The following ARID2 variants were observed in gnomAD, a reference collection of about 807,000 sequenced individuals.
The protein encoded by ARID2 is AT-rich interactive domain-containing protein 2.
A neutral mutation model predicts 184.6 loss-of-function variants in ARID2; 32 were observed. The observed-to-expected ratio is 0.17, with a 90% CI of 0.13 to 0.23. The LOEUF is 0.23. Ranked by LOEUF, ARID2 falls within the 10% of genes least tolerant of loss-of-function variation. The pLI, the probability that ARID2 is intolerant of heterozygous loss-of-function variation, is 1.00. For synonymous variants in ARID2, 836 were observed against 772.6 expected (o/e 1.08, Z -1.36); for missense variants, 1,696 against 2,197.6 (o/e 0.77, Z 4.56).
intron 15 of ARID2, among the ~76,000 whole-genome samples, 176 bp downstream of exon 15, chr12:45,853,072 G>A (rs936548110): frequency 5.3e-5 from 8 of 152,186 alleles, no homozygotes; most frequent in Middle Eastern, 3.4e-3. Context: ...TTCAATTTTA[G>A]CACATGATTT....
intron 3 of ARID2, among the ~76,000 whole-genome samples, chr12:45,795,240 C>A (rs942207443): frequency 2.6e-5 from 4 of 152,064 alleles, no homozygotes; most frequent in African/African-American, 9.7e-5. Flanking sequence ...AGAACATTGA[C>A]CCTGTAGGGG....
chr12:45,810,592 A>C (rs183957376), intron 3 of ARID2, among the ~76,000 whole-genome samples: 1 of 152,300 alleles, frequency 6.6e-6, no homozygotes, highest in Admixed American at 6.5e-5. Flanking sequence ...TATACAAAAG[A>C]ATGTTACAAA....
intron 3 of ARID2, among the ~76,000 whole-genome samples, chr12:45,801,790 TGGG>T (rs1219394699): frequency 6.6e-6 from 1 of 151,668 alleles, no homozygotes; most frequent in African/African-American, 2.4e-5. Context: ...ATGTGTGTAT[TGGG>T]GGGTGGGGGA....
At chr12:45,834,893 A>G (rs1592106972) in intron 6 of ARID2, among the ~76,000 whole-genome samples, 1 of 152,272 alleles carries the variant, frequency 6.6e-6, no homozygotes, top group Middle Eastern at 3.4e-3. Context: ...CTTCTGAAAT[A>G]TATAGGTTAA....
chr12:45,736,376 A>G (rs1565576724), intron 3 of ARID2, among the ~76,000 whole-genome samples: 1 of 151,896 alleles, frequency 6.6e-6, no homozygotes, highest in Admixed American at 6.6e-5. Context: ...AAAAAAGTAT[A>G]TTGCTACTAG....
At chr12:45,856,042 A>G (rs1332248711) in intron 15 of ARID2, among the ~76,000 whole-genome samples, 1 of 88,786 alleles carries the variant, frequency 1.1e-5, no homozygotes, top group Non-Finnish European at 2.5e-5. Flanking sequence ...AAATTTCTTT[A>G]TGTACTCTTT....
intron 4 of ARID2, among the ~76,000 whole-genome samples, chr12:45,813,073 T>C (rs2138085503): frequency 6.6e-6 from 1 of 152,302 alleles, no homozygotes; most frequent in African/African-American, 2.4e-5. Context: ...AAAGGAGTGA[T>C]AGAATTGCTT....
At position 45,731,228 on chromosome 12, in the gene ARID2, G is replaced by C. The variant is rs2137962618; in HGVS notation, c.198G>C (p.Lys66Asn). Residue 66 changes from lysine to asparagine, a missense_variant, in exon 3 of 21, where the codon AAG becomes AAC. Physicochemically the swap from Lys to Asn is moderately conservative, Grantham distance 94. Transcript: ENST00000334344. ...TLGGFAKVSE[K>N]NQWGEIVEEF... ...CTGTGTTTTACCAGGTTTCTGAGAA[G>C]AATCAGTGGGGAGAAATTGTTGAAG... 6.2e-7 allele frequency: 1 copy of C among 1,613,240 alleles called. No individual in the cohort carries two copies. Among genetic ancestry groups the C allele is most frequent in the South Asian group, 1.1e-5 (1 of 91,054 alleles).
At chr12:45,775,503 T>C (rs1941959027) in intron 3 of ARID2, among the ~76,000 whole-genome samples, 4 of 152,222 alleles carry the variant, frequency 2.6e-5, no homozygotes, top group Admixed American at 2.6e-4. Flanking sequence ...AGTTTCTGGA[T>C]TCTTTTTTGA....
At chr12:45,886,505 C>T (rs1268135546) in intron 16 of ARID2, among the ~76,000 whole-genome samples, 1 of 152,214 alleles carries the variant, frequency 6.6e-6, no homozygotes, top group Non-Finnish European at 1.5e-5. Flanking sequence ...TCTCACAGCT[C>T]CACTAGGTAG....
chr12:45,880,945 G>A (rs1273038475), intron 16 of ARID2: 2 of 199,924 alleles, frequency 1.0e-5, no homozygotes, highest in African/African-American at 2.3e-5. Context: ...TTTAATCTTC[G>A]AACTTGACTT....
At chr12:45,874,465 C>T in intron 16 of ARID2, 1 of 197,558 alleles carries the variant, frequency 5.1e-6, no homozygotes, top group Non-Finnish European at 1.0e-5. Flanking sequence ...GTAGATTCTA[C>T]CCCAAGAAAC....
chr12:45,759,493 G>A (rs973757910), intron 3 of ARID2, among the ~76,000 whole-genome samples: 4 of 152,120 alleles, frequency 2.6e-5, no homozygotes, highest in African/African-American at 9.7e-5. Flanking sequence ...ATTGCAATAT[G>A]ATCTAGGAGA....
chr12:45,735,327 G>A (rs1010677466), intron 3 of ARID2, among the ~76,000 whole-genome samples: 3 of 151,682 alleles, frequency 2.0e-5, no homozygotes, highest in Non-Finnish European at 4.4e-5. Flanking sequence ...CTTATTCAAG[G>A]AAGGAAAATA....
At chr12:45,799,910 C>T (rs976542945) in intron 3 of ARID2, among the ~76,000 whole-genome samples, 1 of 152,104 alleles carries the variant, frequency 6.6e-6, no homozygotes, top group African/African-American at 2.4e-5. Flanking sequence ...AGTGTGGTAG[C>T]GCAATGATGG....
At chr12:45,804,910 A>G (rs1453800330) in intron 3 of ARID2, among the ~76,000 whole-genome samples, 5 of 152,154 alleles carry the variant, frequency 3.3e-5, no homozygotes, top group Admixed American at 1.3e-4. Flanking sequence ...TTGCATGCTT[A>G]TGATCTTCAT....
At chr12:45,832,850 A>C (rs1943148271) in intron 6 of ARID2, among the ~76,000 whole-genome samples, 1 of 152,244 alleles carries the variant, frequency 6.6e-6, no homozygotes, top group Non-Finnish European at 1.5e-5. Flanking sequence ...ACTGTATTTA[A>C]AGTACACAGG....
rs552019751 is a variant in ARID2 at position 45,886,310 on chromosome 12, G to A, written c.4923-5470G>A. Among the ~76,000 whole-genome samples, 150 of 152,270 alleles carry A rather than the reference G, an allele frequency of 9.9e-4. 1 individual carries two copies. Among genetic ancestry groups the A allele is most frequent in the Non-Finnish European group, 1.8e-3 (122 of 68,014 alleles). ...ACTCCATGTTTCACACCCTGGTCAC[G>A]CTGATGCACGAGGTGGGCTCCTACA... On this transcript the variant is annotated intron_variant, in intron 16 of 20. Coordinates refer to ENST00000334344, the MANE Select transcript of ARID2 (RefSeq NM_152641.4).
intron 20 of ARID2, among the ~76,000 whole-genome samples, chr12:45,898,362 A>T (rs1278281682): frequency 3.3e-5 from 5 of 152,142 alleles, no homozygotes; most frequent in Admixed American, 2.6e-4. Flanking sequence ...GATAGTGGTG[A>T]TGGTTGTACA....
Sources: allele counts gnomAD v4.1 joint callset (sites outside exome capture counted in the v4.1 genomes callset), GRCh38; gene constraint gnomAD v4.1.1; transcripts MANE v1.5; gene names NCBI Gene and HGNC (gene_info 2026-07-23, HGNC 2026-07-21).